XIAP: variants seen among roughly 807,000 people sequenced by gnomAD.
XIAP encodes the protein X-linked inhibitor of apoptosis, also known as E3 ubiquitin-protein ligase XIAP.
Under a neutral mutation model 33.1 loss-of-function variants are expected in XIAP, and 3 were observed. That is an observed-to-expected ratio of 0.09 (90% CI 0.04 to 0.23). The LOEUF (loss-of-function observed/expected upper bound fraction) is 0.23, where lower values mean the gene tolerates loss of function less well. Ranked by LOEUF, XIAP falls within the 10% of genes least tolerant of loss-of-function variation. The pLI, the probability that XIAP is intolerant of heterozygous loss-of-function variation, is 1.00. For synonymous variants in XIAP, 98 were observed against 121.3 expected, an observed-to-expected ratio of 0.81 and a Z score of 1.26; for missense variants, 264 against 363.0, an observed-to-expected ratio of 0.73 and a Z score of 2.22.
intron 5 of XIAP, 93 bp from the exon 6 acceptor site, chrX:123,900,400 T>G: frequency 1.2e-6 from 1 of 813,399 alleles, no homozygotes; most frequent in African/African-American, 2.1e-5. Flanking sequence ...CTCCTTAATT[T>G]TTTCATTTTA....
intron 6 of XIAP, 150 bp from the exon 7 acceptor site, chrX:123,906,838 T>C (rs2053558786): frequency 8.3e-6 from 5 of 603,833 alleles, no homozygotes; most frequent in Middle Eastern, 5.0e-4. Flanking sequence ...GTGTGAGCTA[T>C]TTAAGAGCAG....
At chrX:123,903,434 C>T (rs986982001) in intron 6 of XIAP, among the ~76,000 whole-genome samples, 4 of 108,424 alleles carry the variant, frequency 3.7e-5, no homozygotes, top group East Asian at 2.9e-4. Flanking sequence ...GTGATCTGCC[C>T]GCCTCGGCCT....
Position 123,910,607 on chromosome X carries a change from C to T in XIAP, c.*3426C>T, listed in dbSNP as rs1276200472. The T allele has an allele frequency of 6.1e-6, 2 of 328,925 alleles. No individual in the cohort carries two copies. The highest frequency in any genetic ancestry group is 2.6e-5 in the South Asian group (1 of 38,457). The allele number at this position is 328,925 out of a possible 1,213,427, so 27.1% of individuals were successfully genotyped here. ...AAATGGGGCTGGGCTCAGTGGCTCA[C>T]GCCTGTAATCCCAGCACTTTGGGAG... is the stretch of plus-strand genomic sequence containing the variant. On this transcript the variant is annotated 3_prime_UTR_variant, in exon 7 of 7. Transcript: ENST00000371199.
At chrX:123,861,031 G>A (rs1407923714) in intron 1 of XIAP, among the ~76,000 whole-genome samples, 30 of 111,712 alleles carry the variant, frequency 2.7e-4, no homozygotes, top group African/African-American at 9.1e-4. Context: ...AAGACTGGAG[G>A]TTGCAGTAGT....
At chrX:123,890,047 C>G (rs1183533373) in intron 3 of XIAP, among the ~76,000 whole-genome samples, 1 of 65,254 alleles carries the variant, frequency 1.5e-5, no homozygotes, top group Non-Finnish European at 2.6e-5. Flanking sequence ...GACGGAGTCT[C>G]GCTCTGTCGC....
At chrX:123,900,375 T>G in intron 5 of XIAP, 118 bp from the exon 6 acceptor site, 1 of 661,257 alleles carries the variant, frequency 1.5e-6, no homozygotes, top group Non-Finnish European at 2.3e-6. Flanking sequence ...TGGTTTGTTT[T>G]TATTCTTTCG....
In XIAP at chrX:123,912,685, TG is replaced by T. The variant is rs111508332; in HGVS notation, c.*5505del. On this transcript the variant is annotated 3_prime_UTR_variant, in exon 7 of 7. Transcript: ENST00000371199. ...ATGTGCATACATTATATGCAAATAC[TG>T]TTTTTTTTTTTTTTAATTTAAACAG... 0.18 allele frequency: 47,630 copies of T among 269,342 alleles called. 1,702 individuals are homozygous for T. The highest frequency in any genetic ancestry group is 0.25 in the East Asian group (2,239 of 8,944). 22.2% of individuals were successfully genotyped at this position (269,342 alleles called of 1,213,427 possible).
intron 1 of XIAP, 106 bp from the exon 2 acceptor site, chrX:123,885,525 G>A: frequency 1.7e-6 from 1 of 603,743 alleles, no homozygotes. Context: ...TAGCGGTCGT[G>A]TAGTTATTTT....
At chrX:123,879,750 A>T (rs1324468991) in intron 1 of XIAP, among the ~76,000 whole-genome samples, 2 of 112,060 alleles carry the variant, frequency 1.8e-5, no homozygotes, top group East Asian at 5.6e-4. Context: ...ATACATTTTC[A>T]TACAGTGGTA....
intron 5 of XIAP, 114 bp from the exon 6 acceptor site, chrX:123,900,379 T>G: frequency 1.5e-6 from 1 of 685,220 alleles, no homozygotes; most frequent in Non-Finnish European, 2.2e-6. Flanking sequence ...TTGTTTTTAT[T>G]CTTTCGCTTG....
rs773227842 is a variant in XIAP at position 123,901,856 on chromosome X, G to A, written c.1300+1163G>A. 2.1e-3 allele frequency among the ~76,000 whole-genome samples: 232 copies of A among 109,724 alleles called. 10 individuals carry two copies. Among genetic ancestry groups the A allele is most frequent in the Admixed American group, 5.9e-3 (60 of 10,191 alleles). On this transcript the variant is annotated intron_variant, in intron 6 of 6. Coordinates refer to ENST00000371199, the MANE Select transcript of XIAP (RefSeq NM_001167.4). ...TTTAATTTTTTATTTGTTTTAAGAC[G>A]GAGTCTCACTCTGTCGCCCAGGCTG...
intron 1 of XIAP, among the ~76,000 whole-genome samples, chrX:123,862,274 G>A (rs2148067184): frequency 9.2e-6 from 1 of 108,652 alleles, no homozygotes; most frequent in Admixed American, 9.9e-5. Context: ...TCCCCATGTT[G>A]GCCAGGCTGA....
At chrX:123,870,657 C>T (rs1424820648) in intron 1 of XIAP, among the ~76,000 whole-genome samples, 1 of 111,145 alleles carries the variant, frequency 9.0e-6, no homozygotes, top group Non-Finnish European at 1.9e-5. Context: ...AGTGTGCTGT[C>T]GCCTGCCTGG....
rs1339010335 is a variant in XIAP at position 123,909,223 on chromosome X, G to A, written c.*2042G>A. The A allele has an allele frequency of 3.3e-6, 1 of 306,176 alleles. No individual in the cohort carries two copies. Among genetic ancestry groups the A allele is most frequent in the Admixed American group, 3.6e-5 (1 of 27,875 alleles). 25.2% of individuals were successfully genotyped at this position (306,176 alleles called of 1,213,427 possible). A position where few individuals can be genotyped will look rare whatever the true frequency, so the allele number is the denominator to read the frequency against. On this transcript the variant is annotated 3_prime_UTR_variant, in exon 7 of 7. Coordinates refer to ENST00000371199, the MANE Select transcript of XIAP (RefSeq NM_001167.4). ...TTTTTTTATTTTTAGTAGAGACGGG[G>A]TTTCACCATGTTGGCCAGGCTGGTA... is the stretch of plus-strand genomic sequence containing the variant.
At chrX:123,864,767 CGTGTGTGTGTGTGT>C (rs752421505) in intron 1 of XIAP, among the ~76,000 whole-genome samples, 5,446 of 52,324 alleles carry the variant, frequency 0.1, 616 homozygotes, top group South Asian at 0.32. Flanking sequence ...GTCGCATTCT[CGTGTGTGTGTGTGT>C]GTGTGTGTGT....
intron 5 of XIAP, among the ~76,000 whole-genome samples, chrX:123,894,747 A>C (rs182168235): frequency 5.5e-5 from 6 of 109,302 alleles, no homozygotes; most frequent in Non-Finnish European, 1.1e-4. Flanking sequence ...CACCCTGGGC[A>C]AAAAGGAGCA....
intron 4 of XIAP, among the ~76,000 whole-genome samples, chrX:123,892,226 G>C (rs2053414842): frequency 9.0e-6 from 1 of 110,544 alleles, no homozygotes; most frequent in South Asian, 3.8e-4. Context: ...ATTTAGCTAG[G>C]CGTAATGGCG....
chrX:123,903,402 G>A (rs183133339), intron 6 of XIAP, among the ~76,000 whole-genome samples: 66 of 108,257 alleles, frequency 6.1e-4, no homozygotes, highest in Middle Eastern at 4.7e-3. Flanking sequence ...TGGTCAGGCC[G>A]GTCTCCAACT....
At chrX:123,862,513 A>G (rs2053090092) in intron 1 of XIAP, among the ~76,000 whole-genome samples, 1 of 109,687 alleles carries the variant, frequency 9.1e-6, no homozygotes, top group South Asian at 3.9e-4. Context: ...CTGGGATTAC[A>G]GGTGCCCACC....
Sources: allele counts gnomAD v4.1 joint callset (sites outside exome capture counted in the v4.1 genomes callset), GRCh38; gene constraint gnomAD v4.1.1; transcripts MANE v1.5; gene names NCBI Gene and HGNC (gene_info 2026-07-23, HGNC 2026-07-21).